COPG2: variants seen among roughly 807,000 people sequenced by gnomAD.
COPG2 encodes the protein coatomer subunit gamma-2.
A neutral mutation model predicts 46.3 loss-of-function variants in COPG2; 37 were observed. The ratio of observed to expected loss-of-function variants is 0.80; its 90% CI spans 0.61 to 1.05. The LOEUF (loss-of-function observed/expected upper bound fraction) is 1.05. Among genes scored for constraint, COPG2 ranks in the 50% least tolerant of loss-of-function variants. The probability of loss-of-function intolerance (pLI) is 0.00; values close to 1 mark genes in which losing one functional copy is unlikely to be tolerated. For missense variants in COPG2, 427 were observed against 387.8 expected (o/e 1.10, Z -0.85); for synonymous variants, 159 against 129.7 (o/e 1.23, Z -1.53).
chr7:130,632,742 GA>G (rs1296178705), intron 5 of COPG2, among the ~76,000 whole-genome samples: 2 of 151,960 alleles, frequency 1.3e-5, no homozygotes, highest in African/African-American at 2.4e-5. Context: ...ATGAACCAAT[GA>G]TTTTTTTTAT....
chr7:130,657,617 A>G (rs1329084915), intron 4 of COPG2, among the ~76,000 whole-genome samples: 1 of 152,202 alleles, frequency 6.6e-6, no homozygotes, highest in Non-Finnish European at 1.5e-5. Context: ...CTGAGAGACA[A>G]TAATTGTGAA....
At chr7:130,590,785 G>A (rs1292119973) in intron 9 of COPG2, among the ~76,000 whole-genome samples, 3 of 151,304 alleles carry the variant, frequency 2.0e-5, no homozygotes, top group Admixed American at 6.6e-5. Context: ...GTCTCTGCCT[G>A]GCCGCCCATC....
At chr7:130,509,717 G>A (rs782493691) in intron 20 of COPG2, 11 of 519,414 alleles carry the variant, frequency 2.1e-5, no homozygotes, top group African/African-American at 1.7e-4. Flanking sequence ...TCTGTCTCTA[G>A]GAGCTGTCTA....
intron 4 of COPG2, among the ~76,000 whole-genome samples, chr7:130,661,389 A>C (rs145503367): frequency 0.01 from 1,532 of 152,310 alleles, 26 homozygotes; most frequent in African/African-American, 0.035. Context: ...CTTATGTAAC[A>C]GCCTCCCTCT....
chr7:130,507,675 TG>T lies in COPG2; in HGVS notation c.2386+9del. The T allele has an allele frequency of 1.3e-6, 1 of 779,924 alleles. No individual in the cohort carries two copies. The highest frequency in any genetic ancestry group is 2.4e-6 in the Non-Finnish European group (1 of 417,644). The allele number at this position is 779,924 out of a possible 1,614,324, so 48.3% of individuals were successfully genotyped here. On this transcript the variant is annotated intron_variant, in intron 22 of 23. Coordinates refer to ENST00000425248, the MANE Select transcript of COPG2 (RefSeq NM_012133.6). ...ATCAGGCAATATACTGATAGCAAAA[TG>T]GGTCTCACCTTCAAGGGTTTTGGTA...
At chr7:130,550,889 T>C (rs1281147127) in intron 16 of COPG2, among the ~76,000 whole-genome samples, 3 of 152,180 alleles carry the variant, frequency 2.0e-5, no homozygotes, top group Non-Finnish European at 4.4e-5. Flanking sequence ...ACAAAATGTA[T>C]GTACCTCCCA....
At chr7:130,611,743 T>A (rs1191868295) in intron 8 of COPG2, among the ~76,000 whole-genome samples, 1 of 152,178 alleles carries the variant, frequency 6.6e-6, no homozygotes, top group Non-Finnish European at 1.5e-5. Context: ...CTAATAAATA[T>A]CAAAAGAGCT....
chr7:130,551,200 C>A, intron 16 of COPG2, 41 bp downstream of exon 16: 1 of 398,210 alleles, frequency 2.5e-6, no homozygotes, highest in Non-Finnish European at 4.4e-6. Flanking sequence ...TCCAAGACAC[C>A]ATTTGAGGAA....
intron 20 of COPG2, among the ~76,000 whole-genome samples, chr7:130,535,758 C>T (rs1022522047): frequency 6.6e-6 from 1 of 151,236 alleles, no homozygotes; most frequent in East Asian, 2.0e-4. Flanking sequence ...GTGGGCCAAG[C>T]TGTAGGCATT....
At chr7:130,514,291 A>G (rs1459106478) in intron 20 of COPG2, among the ~76,000 whole-genome samples, 2 of 152,198 alleles carry the variant, frequency 1.3e-5, no homozygotes, top group African/African-American at 4.8e-5. Context: ...TGGATGACTA[A>G]TATTGGAAGA....
At chr7:130,568,056 A>C (rs1055996134) in intron 9 of COPG2, among the ~76,000 whole-genome samples, 25 of 152,174 alleles carry the variant, frequency 1.6e-4, no homozygotes, top group Non-Finnish European at 2.9e-4. Flanking sequence ...AGGCAGGCAG[A>C]TCACGAGGTC....
In COPG2 at chr7:130,508,279, A is replaced by G. The variant is rs549526447; in HGVS notation, c.2247+283T>C. On this transcript the variant is annotated intron_variant, in intron 21 of 23. Transcript: ENST00000425248. ...ATTTTAAATAAAACTGATCTCAATG[A>G]AAATCATGTCATTATTTTCATCTCT... 31 of 307,204 alleles carry G rather than the reference A, an allele frequency of 1.0e-4. 1 individual carries two copies. The South Asian group carries it at 2.8e-3, about 28-fold the overall frequency. The allele number at this position is 307,204 out of a possible 1,614,324, so 19.0% of individuals were successfully genotyped here. A position where few individuals can be genotyped will look rare whatever the true frequency, so the allele number is the denominator to read the frequency against.
intron 9 of COPG2, among the ~76,000 whole-genome samples, chr7:130,578,895 G>C (rs1406212852): frequency 6.7e-6 from 1 of 149,424 alleles, no homozygotes; most frequent in African/African-American, 2.5e-5. Flanking sequence ...AAGTGATGGG[G>C]AGAATGGAAC....
intron 9 of COPG2, chr7:130,603,951 T>A (rs1249989001): frequency 4.4e-6 from 2 of 450,874 alleles, no homozygotes; most frequent in East Asian, 1.4e-4. Context: ...ATATGTAATA[T>A]ATATTGTATT....
At chr7:130,586,284 C>T (rs1015642838) in intron 9 of COPG2, among the ~76,000 whole-genome samples, 4 of 151,838 alleles carry the variant, frequency 2.6e-5, no homozygotes, top group East Asian at 1.9e-4. Context: ...CAAAGGCATA[C>T]AAATCATACA....
chr7:130,654,636 A>G (rs1795812106), intron 4 of COPG2, among the ~76,000 whole-genome samples: 1 of 152,212 alleles, frequency 6.6e-6, no homozygotes. Context: ...CGAATTTCCC[A>G]TGAGTAGGGA....
intron 9 of COPG2, among the ~76,000 whole-genome samples, chr7:130,604,256 A>G (rs1218961461): frequency 1.3e-5 from 2 of 152,212 alleles, no homozygotes; most frequent in Admixed American, 1.3e-4. Context: ...TAAGAAGCCA[A>G]TTGGGATTGT....
chr7:130,658,952 T>C (rs1795913210), intron 4 of COPG2, among the ~76,000 whole-genome samples: 1 of 152,040 alleles, frequency 6.6e-6, no homozygotes, highest in Non-Finnish European at 1.5e-5. Flanking sequence ...AGTGCTGAGA[T>C]TACAGGCGTG....
intron 10 of COPG2, among the ~76,000 whole-genome samples, chr7:130,563,770 A>G (rs1205769716): frequency 2.7e-5 from 3 of 109,186 alleles, no homozygotes; most frequent in African/African-American, 4.8e-5. Flanking sequence ...AAAAAAAAAA[A>G]AAAGAAAAAA....
Sources: allele counts gnomAD v4.1 joint callset (sites outside exome capture counted in the v4.1 genomes callset), GRCh38; gene constraint gnomAD v4.1.1; transcripts MANE v1.5; gene names NCBI Gene and HGNC (gene_info 2026-07-23, HGNC 2026-07-21).